The following NAV3 variants were observed in gnomAD, a reference collection of about 807,000 sequenced individuals.
NAV3 encodes the protein neuron navigator 3.
NAV3 carries 87 observed loss-of-function variants against 244.7 expected under a neutral mutation model. The ratio of observed to expected loss-of-function variants is 0.36; its 90% confidence interval spans 0.30 to 0.42. NAV3 has a LOEUF of 0.42. Among genes scored for constraint, NAV3 ranks in the 20% least tolerant of loss-of-function variants. NAV3 has a pLI of 1.00. For missense variants in NAV3, 2,663 were observed against 2,893.3 expected (o/e 0.92, Z 1.83); for synonymous variants, 1,126 against 1,042.2 (o/e 1.08, Z -1.55).
rs1026079206 is a variant in NAV3, at chr12:77,696,007, A to G, written c.72+123741A>G. 4.6e-5 allele frequency among the ~76,000 whole-genome samples: 7 copies of G among 152,120 alleles called. No individual in the cohort carries two copies. In the East Asian group the frequency reaches 5.8e-4, roughly 13 times the overall value. On this transcript the variant is annotated intron_variant, in intron 2 of 8. Coordinates refer to the NAV3 transcript ENST00000550042. ...TCCTTTTGTGTCCATCCTTATCTTTAGAGGTAGGAATAACACTACATCAGT... is the reference window on the plus strand; with the variant it reads ...TCCTTTTGTGTCCATCCTTATCTTTGGAGGTAGGAATAACACTACATCAGT...
intron 2 of NAV3, among the ~76,000 whole-genome samples, chr12:77,604,959 G>A (rs1465708428): frequency 6.6e-6 from 1 of 152,054 alleles, no homozygotes; most frequent in Non-Finnish European, 1.5e-5. Flanking sequence ...ACTACATGTT[G>A]CCATTCTTCA....
chr12:78,111,629 A>G (rs971110654), intron 12 of NAV3, among the ~76,000 whole-genome samples: 3 of 152,186 alleles, frequency 2.0e-5, no homozygotes, highest in Non-Finnish European at 2.9e-5. Context: ...GGAGCAACTG[A>G]AATTCTCATT....
chr12:77,955,104 GC>G (rs1891244814), intron 3 of NAV3, among the ~76,000 whole-genome samples: 1 of 152,048 alleles, frequency 6.6e-6, no homozygotes, highest in Non-Finnish European at 1.5e-5. Flanking sequence ...TCTGCCTGAT[GC>G]CTTCTACCCA....
At chr12:77,918,306 A>G (rs2137132961) in intron 1 of NAV3, among the ~76,000 whole-genome samples, 1 of 152,210 alleles carries the variant, frequency 6.6e-6, no homozygotes, top group African/African-American at 2.4e-5. Flanking sequence ...ATTAACTTGC[A>G]TAATTGCAAA....
intron 2 of NAV3, among the ~76,000 whole-genome samples, chr12:77,598,971 T>C (rs1870298698): frequency 6.6e-6 from 1 of 151,976 alleles, no homozygotes; most frequent in South Asian, 2.1e-4. Flanking sequence ...CATAACTGAA[T>C]GTTTGTATAC....
intron 12 of NAV3, among the ~76,000 whole-genome samples, chr12:78,100,168 G>C (rs558326168): frequency 4.0e-5 from 6 of 151,850 alleles, no homozygotes; most frequent in Non-Finnish European, 5.9e-5. Context: ...AATAAGAATG[G>C]AAAGACTTTA....
chr12:78,113,195 A>G (rs900920173), intron 12 of NAV3, among the ~76,000 whole-genome samples: 9 of 152,188 alleles, frequency 5.9e-5, no homozygotes, highest in African/African-American at 2.2e-4. Context: ...GCTAGTGTTG[A>G]GTGCCTGCAG....
chr12:77,834,930 G>T (rs751124054), intron 1 of NAV3, among the ~76,000 whole-genome samples: 23 of 152,064 alleles, frequency 1.5e-4, no homozygotes, highest in Admixed American at 5.9e-4. Flanking sequence ...ATCGAACAAG[G>T]TAGTTATATT....
chr12:78,073,179 C>A (rs1298485412), intron 12 of NAV3, among the ~76,000 whole-genome samples: 30 of 135,470 alleles, frequency 2.2e-4, no homozygotes, highest in Non-Finnish European at 3.5e-4. Flanking sequence ...GTTGGAAGTT[C>A]TGGCCAGGGC....
intron 18 of NAV3, among the ~76,000 whole-genome samples, chr12:78,136,820 T>C (rs1234520127): frequency 6.6e-6 from 1 of 152,178 alleles, no homozygotes; most frequent in Non-Finnish European, 1.5e-5. Flanking sequence ...ATTAAAGTGA[T>C]TACTATTTTT....
At position 78,019,082 on chromosome 12, in the gene NAV3, C is replaced by T. The variant is rs149772010; in HGVS notation, c.1908-2665C>T. On this transcript the variant is annotated intron_variant, in intron 8 of 39. Coordinates refer to ENST00000397909, the MANE Select transcript of NAV3 (RefSeq NM_001024383.2). Reference sequence around the variant, plus strand: ...AATTTCACAAGAGAGAATGTATTTCCGGTCCTTTTGTAATAACAGTTGATT... The same window carrying T: ...AATTTCACAAGAGAGAATGTATTTCTGGTCCTTTTGTAATAACAGTTGATT... Among the ~76,000 whole-genome samples, 624 of 152,178 alleles carry T rather than the reference C, an allele frequency of 4.1e-3. 5 individuals are homozygous for T. The highest frequency in any genetic ancestry group is 7.3e-3 in the Admixed American group (111 of 15,268).
chr12:78,121,840 ACAT>A, intron 15 of NAV3, 97 bp from the exon 16 acceptor site: 1 of 1,438,300 alleles, frequency 7.0e-7, no homozygotes, highest in Non-Finnish European at 9.5e-7. Flanking sequence ...GTAGTTCAGT[ACAT>A]CAAAGCACAC....
intron 9 of NAV3, among the ~76,000 whole-genome samples, chr12:78,025,833 C>T (rs1471029870): frequency 6.6e-6 from 1 of 152,054 alleles, no homozygotes; most frequent in Non-Finnish European, 1.5e-5. Flanking sequence ...ACAACAGCTC[C>T]CCTTTGCCTT....
intron 2 of NAV3, among the ~76,000 whole-genome samples, chr12:77,641,691 CAA>C (rs1003962205): frequency 6.6e-5 from 10 of 151,860 alleles, no homozygotes; most frequent in African/African-American, 1.9e-4. Context: ...GAATACATAA[CAA>C]GAGGTATTTT....
intron 12 of NAV3, among the ~76,000 whole-genome samples, chr12:78,112,219 A>G (rs1955131401): frequency 6.6e-6 from 1 of 152,226 alleles, no homozygotes; most frequent in Admixed American, 6.5e-5. Flanking sequence ...TGACTCTGCC[A>G]CATTGCTTGC....
chr12:78,177,457 A>G (rs910304524), intron 27 of NAV3, 144 bp downstream of exon 27: 1 of 1,149,714 alleles, frequency 8.7e-7, no homozygotes, highest in Non-Finnish European at 1.2e-6. Flanking sequence ...CTCTTTTCAT[A>G]TTTCTCTTTC....
chr12:77,986,973 C>T (rs1870624790), intron 5 of NAV3, among the ~76,000 whole-genome samples: 1 of 151,976 alleles, frequency 6.6e-6, no homozygotes, highest in Non-Finnish European at 1.5e-5. Context: ...TAAAACATTG[C>T]TAAAAATTTT....
chr12:78,122,133 C>T lies in NAV3; in HGVS notation c.3943C>T (p.Pro1315Ser), dbSNP rs779085012. The change falls in exon 16 of 40, where the codon CCC (proline) becomes TCC (serine). Residue 1315 changes from proline to serine, a missense_variant. By Grantham distance (74) the Pro-to-Ser change is moderately conservative (BLOSUM62 -1). Around this residue, in one of 6 missense-constraint regions of NAV3, gnomAD observed 354 missense variants for 413.0 expected, o/e 0.86. Transcript: ENST00000397909. ...CAGCAGCAGCCCTCTCTTCAATAAACCCTCAGACTTAACTACAGATGTTAT... is the reference window on the plus strand; with the variant it reads ...CAGCAGCAGCCCTCTCTTCAATAAATCCTCAGACTTAACTACAGATGTTAT... The part of the protein sequence containing the change: ...SGSSSPLFNK[P>S]SDLTTDVISL... 1 of 1,614,154 alleles carries T rather than the reference C, an allele frequency of 6.2e-7. No homozygotes were observed.
intron 12 of NAV3, among the ~76,000 whole-genome samples, chr12:78,083,954 G>T (rs1413383611): frequency 1.3e-5 from 2 of 151,928 alleles, no homozygotes; most frequent in East Asian, 1.9e-4. Flanking sequence ...TTTCTCTTTT[G>T]CTTATTTGAC....
Sources: allele counts gnomAD v4.1 joint callset (sites outside exome capture counted in the v4.1 genomes callset), GRCh38; gene constraint gnomAD v4.1.1; regional missense constraint gnomAD v4.1.1; transcripts MANE v1.5; gene names NCBI Gene and HGNC (gene_info 2026-07-23, HGNC 2026-07-21).